Variants in SIAE observed in about 807,000 individuals in gnomAD.
The protein encoded by SIAE is sialic acid acetylesterase.
SIAE carries 39 observed loss-of-function variants against 52.6 expected under a neutral mutation model. The ratio of observed to expected loss-of-function variants is 0.74; its 90% CI spans 0.57 to 0.97. The LOEUF is 0.97. SIAE is among the 50% of genes least tolerant of loss of function. The probability of loss-of-function intolerance (pLI) is 0.00; values close to 1 mark genes in which losing one functional copy is unlikely to be tolerated. For synonymous variants in SIAE, 233 were observed against 241.4 expected, an observed-to-expected ratio of 0.97 and a Z score of 0.32; for missense variants, 592 against 662.1, an observed-to-expected ratio of 0.89 and a Z score of 1.16.
chr11:124,636,539 G>C lies in SIAE; in HGVS notation c.*412C>G, dbSNP rs1942744788. On this transcript the variant is annotated 3_prime_UTR_variant, in exon 10 of 10. Transcript: ENST00000263593. ...GCAGGGTCGGGCCTGGTTAGTACTTGGATGGGAGAAATTTTATAAAGAACA... is the reference window on the plus strand; with the variant it reads ...GCAGGGTCGGGCCTGGTTAGTACTTCGATGGGAGAAATTTTATAAAGAACA... 1 of 279,752 alleles carries C rather than the reference G, an allele frequency of 3.6e-6. No homozygotes were observed. The highest frequency in any genetic ancestry group is 2.2e-5 in the African/African-American group (1 of 45,530). 17.3% of individuals were successfully genotyped at this position (279,752 alleles called of 1,614,324 possible). A position where few individuals can be genotyped will look rare whatever the true frequency, so the allele number is the denominator to read the frequency against.
chr11:124,642,077 T>C (rs1002393776), intron 7 of SIAE, among the ~76,000 whole-genome samples: 2 of 151,514 alleles, frequency 1.3e-5, no homozygotes, highest in African/African-American at 2.4e-5. Flanking sequence ...TCTACAGAGA[T>C]AGTAGTAGAA....
At chr11:124,673,967 C>T, upstream of SIAE, 4 of 556,464 alleles carry the variant, frequency 7.2e-6, no homozygotes, top group Non-Finnish European at 1.3e-5. Context: ...GGCCGCTTCC[C>T]CACTTCCTCT....
rs1942758018 is a variant in SIAE, at chr11:124,637,053, C to T, written c.1470G>A (p.Lys490=). The change falls in exon 10 of 10, where the codon AAG becomes AAA. Residue 490 remains lysine (K), a synonymous_variant. Transcript: ENST00000263593. ...TACTGGGGTGGTATAGGGGACACTG[C>T]TTATATTCACAAGGCCACGTGGTCC... ...YAWTTWPCEY[K]QCPLYHPSSA... 3 of 1,614,006 alleles carry T rather than the reference C, an allele frequency of 1.9e-6. No homozygotes were observed. Among genetic ancestry groups the T allele is most frequent in the Admixed American group, 1.7e-5 (1 of 59,994 alleles).
intron 7 of SIAE, among the ~76,000 whole-genome samples, chr11:124,643,120 T>C (rs781747739): frequency 6.6e-6 from 1 of 152,190 alleles, no homozygotes; most frequent in Non-Finnish European, 1.5e-5. Context: ...AAATATGCAG[T>C]CATTTCTTAC....
chr11:124,636,802 A>C lies in SIAE; in HGVS notation c.*149T>G. On this transcript the variant is annotated 3_prime_UTR_variant, in exon 10 of 10. Coordinates refer to ENST00000263593, the MANE Select transcript of SIAE (RefSeq NM_170601.5). ...TTACCTATAAGCCTGGGCTCATCAG[A>C]ATATAGAAACAGCCATGTGCTAGCT... 8.7e-7 allele frequency: 1 copy of C among 1,151,612 alleles called. No individual in the cohort carries two copies. Among genetic ancestry groups the C allele is most frequent in the Non-Finnish European group, 1.3e-6 (1 of 780,082 alleles). 71.3% of individuals were successfully genotyped at this position (1,151,612 alleles called of 1,614,324 possible).
intron 6 of SIAE, 150 bp from the exon 7 acceptor site, chr11:124,647,648 A>C: frequency 1.1e-6 from 1 of 947,622 alleles, no homozygotes. Flanking sequence ...GCATCAGCAA[A>C]TGTGGTACGA....
At chr11:124,659,673 A>G (rs1399340865) in intron 3 of SIAE, 2 of 149,250 alleles carry the variant, frequency 1.3e-5, no homozygotes, top group Non-Finnish European at 3.0e-5. Context: ...TTCCGTATAT[A>G]TAAATAAGAC....
In SIAE at chr11:124,669,396, G is replaced by C; in HGVS notation, c.193C>G (p.Gln65Glu). The C allele has an allele frequency of 1.2e-6, 2 of 1,614,162 alleles. No homozygotes were observed. The highest frequency in any genetic ancestry group is 3.3e-4 in the Middle Eastern group (2 of 6,062). Residue 65 changes from glutamine to glutamate, a missense_variant, in exon 2 of 10, where the codon CAG becomes GAG. Transcript: ENST00000263593. Reference sequence around the variant, plus strand: ...GTCACTTTCTTCATGATGGTTTCCTGACCTTGGCGCAGGGTCACGGTCACT... The same window carrying C: ...GTCACTTTCTTCATGATGGTTTCCTCACCTTGGCGCAGGGTCACGGTCACT... ...ATVTVTLRQG[Q>E]ETIMKKVTSV...
At chr11:124,647,287 C>G in intron 7 of SIAE, 78 bp downstream of exon 7, 1 of 1,592,220 alleles carries the variant, frequency 6.3e-7, no homozygotes, top group Non-Finnish European at 8.6e-7. Context: ...CATCCCCACA[C>G]CAATGCCCAT....
At chr11:124,650,235 GGCTTCCCCAT>G (rs1451082860) in intron 4 of SIAE, among the ~76,000 whole-genome samples, 1 of 152,090 alleles carries the variant, frequency 6.6e-6, no homozygotes. Context: ...CTAGGCAATA[GGCTTCCCCAT>G]GCTTCCCATC....
At chr11:124,652,776 C>T (rs1034195411) in intron 4 of SIAE, among the ~76,000 whole-genome samples, 3 of 151,934 alleles carry the variant, frequency 2.0e-5, no homozygotes, top group Non-Finnish European at 2.9e-5. Context: ...CTGTGCCCTT[C>T]CTAGGTATCT....
chr11:124,642,015 A>G (rs892505659), intron 7 of SIAE, among the ~76,000 whole-genome samples: 1 of 151,980 alleles, frequency 6.6e-6, no homozygotes, highest in African/African-American at 2.4e-5. Flanking sequence ...GCAGAGAGAC[A>G]GATTAGTTAA....
intron 7 of SIAE, among the ~76,000 whole-genome samples, chr11:124,644,736 T>TG (rs1942906731): frequency 6.6e-6 from 1 of 152,182 alleles, no homozygotes; most frequent in South Asian, 2.1e-4. Context: ...CCACACTCCT[T>TG]GGGACTCCAG....
intron 4 of SIAE, among the ~76,000 whole-genome samples, chr11:124,653,720 G>C (rs1354593777): frequency 1.3e-5 from 2 of 152,238 alleles, no homozygotes; most frequent in African/African-American, 4.8e-5. Context: ...AAAGGAGAAA[G>C]ATGAAGCATC....
rs1301563929 is a variant in SIAE at position 124,634,108 on chromosome 11, G to C, written c.*2843C>G. On this transcript the variant is annotated 3_prime_UTR_variant, in exon 10 of 10. Coordinates refer to ENST00000263593, the MANE Select transcript of SIAE (RefSeq NM_170601.5). The stretch of plus-strand genomic sequence containing the variant: ...GCCTGTAATCCCAGCACTTTGGGAG[G>C]CTGAGGCGGGTGGATCAAGAGGTCA... 1 of 152,246 alleles carries C rather than the reference G, an allele frequency of 6.6e-6. No homozygotes were observed. Among genetic ancestry groups the C allele is most frequent in the Non-Finnish European group, 1.5e-5 (1 of 68,060 alleles). 9.4% of individuals were successfully genotyped at this position (152,246 alleles called of 1,614,324 possible). A position where few individuals can be genotyped will look rare whatever the true frequency, so the allele number is the denominator to read the frequency against.
chr11:124,652,604 G>A (rs1943032472), intron 4 of SIAE, among the ~76,000 whole-genome samples: 1 of 148,194 alleles, frequency 6.7e-6, no homozygotes, highest in Admixed American at 6.9e-5. Flanking sequence ...TGAGGCAGAA[G>A]AATCACTTGA....
Position 124,660,780 on chromosome 11 carries a change from C to T in SIAE, c.253G>A (p.Val85Ile). The change falls in exon 3 of 10, where the codon GTA (valine) becomes ATA (isoleucine). Residue 85 changes from valine (V) to isoleucine (I), a missense_variant. Val to Ile is a conservative substitution (Grantham distance 29, BLOSUM62 3). Coordinates refer to ENST00000263593, the MANE Select transcript of SIAE (RefSeq NM_170601.5). ...CCTCCAGGCTTCATAGGATCCAGTA[C>T]CACCATCCACGTATCAGAGTGAGCT... ...VKAHSDTWMV[V>I]LDPMKPGGPF... is the part of the protein sequence containing the mutation. The T allele has an allele frequency of 1.2e-6, 2 of 1,614,142 alleles. No individual in the cohort carries two copies. Among genetic ancestry groups the T allele is most frequent in the Non-Finnish European group, 1.7e-6 (2 of 1,180,006 alleles).
At chr11:124,653,444 GGACAGAGAA>G (rs1943046709) in intron 4 of SIAE, among the ~76,000 whole-genome samples, 3 of 152,256 alleles carry the variant, frequency 2.0e-5, no homozygotes, top group Admixed American at 2.0e-4. Flanking sequence ...AAAGAAAAAG[GGACAGAGAA>G]GACAGAGGAG....
upstream of SIAE, chr11:124,673,960 C>T (rs1249788874): frequency 1.8e-6 from 1 of 560,796 alleles, no homozygotes; most frequent in Non-Finnish European, 3.2e-6. Context: ...GAGGTGAGGC[C>T]GCTTCCCCAC....
Sources: allele counts gnomAD v4.1 joint callset (sites outside exome capture counted in the v4.1 genomes callset), GRCh38; gene constraint gnomAD v4.1.1; transcripts MANE v1.5; gene names NCBI Gene and HGNC (gene_info 2026-07-23, HGNC 2026-07-21).